The following SUPT16H variants were observed in gnomAD, a reference collection of about 807,000 sequenced individuals.
The protein encoded by SUPT16H is SPT16 homolog, facilitates chromatin remodeling subunit, also known as FACT complex subunit SPT16.
SUPT16H carries 24 observed loss-of-function variants against 136.2 expected under a neutral mutation model. The observed-to-expected ratio is 0.18, with a 90% confidence interval of 0.13 to 0.25. SUPT16H has a LOEUF of 0.25. SUPT16H is among the 10% of genes least tolerant of loss of function. SUPT16H has a pLI of 1.00. For synonymous variants in SUPT16H, 415 were observed against 428.2 expected (o/e 0.97, Z 0.38); for missense variants, 623 against 1,270.2 (o/e 0.49, Z 7.74).
chr14:21,368,121 A>G (rs1490128772), intron 7 of SUPT16H, 148 bp downstream of exon 7: 3 of 738,404 alleles, frequency 4.1e-6, no homozygotes, highest in Non-Finnish European at 6.5e-6. Flanking sequence ...TGGGGGCCTC[A>G]TTGCCCAGGC....
chr14:21,357,966 A>G lies in SUPT16H; in HGVS notation c.2451T>C (p.Leu817=), dbSNP rs1294289867. The change falls in exon 21 of 26, where the codon CTT becomes CTC. Residue 817 remains leucine, a synonymous_variant. Transcript: ENST00000216297. ...NGAPYRSTCL[L]QPTSSALVNA... is the part of the protein sequence containing the mutation. The stretch of plus-strand genomic sequence containing the variant: ...TTACCAGCGCACTACTAGTGGGCTG[A>G]AGGAGGCAGGTACTCCTATAGGGAG... The G allele has an allele frequency of 6.2e-7, 1 of 1,613,824 alleles. No individual in the cohort carries two copies. Among genetic ancestry groups the G allele is most frequent in the African/African-American group, 1.3e-5 (1 of 74,930 alleles).
intron 15 of SUPT16H, among the ~76,000 whole-genome samples, chr14:21,361,901 G>A (rs1886564794): frequency 6.6e-6 from 1 of 152,056 alleles, no homozygotes; most frequent in Admixed American, 6.6e-5. Flanking sequence ...CACAGTAGCT[G>A]GATGACGGGT....
chr14:21,376,591 T>G (rs1886906792), intron 1 of SUPT16H, among the ~76,000 whole-genome samples: 1 of 152,132 alleles, frequency 6.6e-6, no homozygotes, highest in Non-Finnish European at 1.5e-5. Flanking sequence ...GGTAAAAAGT[T>G]TTACCATTAG....
At position 21,351,875 on chromosome 14, in the gene SUPT16H, T is replaced by C. The variant is rs1405060392; in HGVS notation, c.*798A>G. 2 of 152,816 alleles carry C rather than the reference T, an allele frequency of 1.3e-5. No homozygotes were observed. Among genetic ancestry groups the C allele is most frequent in the Non-Finnish European group, 1.5e-5 (1 of 68,188 alleles). The allele number at this position is 152,816 out of a possible 1,614,324, so 9.5% of individuals were successfully genotyped here. ...ATGACTTGTCCCTTCCAGATATAAATGTTGACTCCTTTGAGCCTTCCTCTA... is the reference window on the plus strand; with the variant it reads ...ATGACTTGTCCCTTCCAGATATAAACGTTGACTCCTTTGAGCCTTCCTCTA... On this transcript the variant is annotated 3_prime_UTR_variant, in exon 26 of 26. Coordinates refer to ENST00000216297, the MANE Select transcript of SUPT16H (RefSeq NM_007192.4).
intron 3 of SUPT16H, among the ~76,000 whole-genome samples, chr14:21,371,217 C>G (rs150162026): frequency 1.3e-5 from 2 of 152,066 alleles, no homozygotes; most frequent in African/African-American, 4.8e-5. Flanking sequence ...TGTAATATAT[C>G]AAAAGTGAGC....
At position 21,354,547 on chromosome 14, in the gene SUPT16H, G is replaced by A. The variant is rs764905466; in HGVS notation, c.2661-7C>T. On this transcript the variant is annotated splice_polypyrimidine_tract_variant and splice_region_variant and intron_variant, in intron 22 of 25. Transcript: ENST00000216297. ...GTATTTCAGGTCGCAGGAACTAAGA[G>A]AAATGACATGACAAAGTCAAATCAA... 6.2e-7 allele frequency: 1 copy of A among 1,611,738 alleles called. No individual in the cohort carries two copies. Among genetic ancestry groups the A allele is most frequent in the East Asian group, 2.2e-5 (1 of 44,846 alleles).
At chr14:21,358,604 G>C (rs1044120614) in intron 19 of SUPT16H, among the ~76,000 whole-genome samples, 177 bp from the exon 20 acceptor site, 4 of 152,160 alleles carry the variant, frequency 2.6e-5, no homozygotes. Context: ...GTGGTTTGCT[G>C]CACAGATCAT....
chr14:21,379,671 C>T (rs1475134131), intron 1 of SUPT16H, among the ~76,000 whole-genome samples: 1 of 151,710 alleles, frequency 6.6e-6, no homozygotes, highest in East Asian at 1.9e-4. Context: ...TGGGACAACA[C>T]GGTGGAACCC....
intron 4 of SUPT16H, 41 bp from the exon 5 acceptor site, chr14:21,369,937 G>C: frequency 6.2e-7 from 1 of 1,601,962 alleles, no homozygotes; most frequent in East Asian, 2.2e-5. Context: ...TGCAAGTACA[G>C]AATTACAAAA....
intron 10 of SUPT16H, among the ~76,000 whole-genome samples, chr14:21,364,275 A>G (rs1303080765): frequency 6.6e-6 from 1 of 152,168 alleles, no homozygotes; most frequent in Non-Finnish European, 1.5e-5. Flanking sequence ...ATAGGGTATG[A>G]CTGAATTTAC....
chr14:21,382,414 CA>C (rs1364585347), intron 1 of SUPT16H, among the ~76,000 whole-genome samples: 9 of 152,120 alleles, frequency 5.9e-5, no homozygotes, highest in Non-Finnish European at 2.9e-5. Flanking sequence ...TTAGGTTTGC[CA>C]ACCTGTCTTC....
intron 3 of SUPT16H, 134 bp downstream of exon 3, chr14:21,371,740 A>T: frequency 9.9e-7 from 1 of 1,010,468 alleles, no homozygotes; most frequent in Non-Finnish European, 1.4e-6. Context: ...TGAAGACGTG[A>T]CAGAACTTTG....
chr14:21,358,652 C>T (rs1230297778), intron 19 of SUPT16H, among the ~76,000 whole-genome samples: 1 of 152,174 alleles, frequency 6.6e-6, no homozygotes, highest in Non-Finnish European at 1.5e-5. Flanking sequence ...TCTCTCGTAA[C>T]TATAAAACTA....
In SUPT16H at chr14:21,363,193, T is replaced by C. The variant is rs1409753005; in HGVS notation, c.1395+40A>G. 1.9e-6 allele frequency: 3 copies of C among 1,613,992 alleles called. No homozygotes were observed. In the Admixed American group the frequency reaches 5.0e-5, roughly 27 times the overall value. On this transcript the variant is annotated intron_variant, in intron 12 of 25. Transcript: ENST00000216297. The stretch of plus-strand genomic sequence containing the variant: ...AATTTATCACAACACGTGAGCCATA[T>C]GACAGCCGAGATCAATGTAATTTAA...
At chr14:21,373,516 A>G in intron 1 of SUPT16H, 86 bp from the exon 2 acceptor site, 1 of 991,454 alleles carries the variant, frequency 1.0e-6, no homozygotes, top group Non-Finnish European at 1.6e-6. Context: ...GACAGGCATA[A>G]TTTTCTCCTG....
intron 19 of SUPT16H, among the ~76,000 whole-genome samples, chr14:21,359,048 G>A (rs1352872602): frequency 3.3e-5 from 5 of 151,816 alleles, no homozygotes; most frequent in Non-Finnish European, 7.4e-5. Flanking sequence ...CTCGTGATCT[G>A]CCTGTGTTGG....
intron 15 of SUPT16H, 90 bp from the exon 16 acceptor site, chr14:21,361,303 CTACTT>C (rs766641792): frequency 6.6e-6 from 7 of 1,053,726 alleles, no homozygotes; most frequent in African/African-American, 5.2e-5. Context: ...AGCTTAATCT[CTACTT>C]TGCTTTTTTT....
chr14:21,375,195 G>A (rs1205868975), intron 1 of SUPT16H, among the ~76,000 whole-genome samples: 1 of 151,924 alleles, frequency 6.6e-6, no homozygotes, highest in African/African-American at 2.4e-5. Flanking sequence ...ATATTTCTTA[G>A]TAGAGACGAG....
chr14:21,380,059 T>C (rs561268841), intron 1 of SUPT16H, among the ~76,000 whole-genome samples: 96 of 152,312 alleles, frequency 6.3e-4, no homozygotes, highest in African/African-American at 2.0e-3. Flanking sequence ...TACTGAAAAT[T>C]AAAATGGCCA....
Sources: gnomAD v4.1 joint callset for allele counts (sites outside exome capture counted in the v4.1 genomes callset) on GRCh38, gnomAD v4.1.1 for gene constraint, MANE v1.5 for transcripts, NCBI Gene and HGNC (gene_info 2026-07-23, HGNC 2026-07-21) for gene names.